FAM83B: variants seen among roughly 807,000 people sequenced by gnomAD.
FAM83B encodes scaffolding CK1 anchoring protein B.
A neutral mutation model predicts 38.8 loss-of-function variants in FAM83B; 26 were observed. That is an observed-to-expected ratio of 0.67 (90% CI 0.49 to 0.93). The LOEUF (loss-of-function observed/expected upper bound fraction) is 0.93. FAM83B is among the 40% of genes least tolerant of loss of function. The pLI, the probability that FAM83B is intolerant of heterozygous loss-of-function variation, is 0.00. For synonymous variants in FAM83B, 419 were observed against 423.1 expected, an observed-to-expected ratio of 0.99 and a Z score of 0.12; for missense variants, 1,237 against 1,197.3, an observed-to-expected ratio of 1.03 and a Z score of -0.49.
At chr6:54,875,104 C>G (rs1402923382) in intron 2 of FAM83B, among the ~76,000 whole-genome samples, 1 of 152,112 alleles carries the variant, frequency 6.6e-6, no homozygotes, top group Non-Finnish European at 1.5e-5. Flanking sequence ...TGTACCTCCT[C>G]AAGTTTCTTC....
In FAM83B at chr6:54,942,104, A is replaced by G; in HGVS notation, c.*97A>G. The G allele has an allele frequency of 1.6e-6, 2 of 1,227,806 alleles. No individual in the cohort carries two copies. Among genetic ancestry groups the G allele is most frequent in the South Asian group, 3.2e-5 (2 of 63,332 alleles). 76.1% of individuals were successfully genotyped at this position (1,227,806 alleles called of 1,614,324 possible). A position where few individuals can be genotyped will look rare whatever the true frequency, so the allele number is the denominator to read the frequency against. On this transcript the variant is annotated 3_prime_UTR_variant, in exon 5 of 5. Coordinates refer to ENST00000306858, the MANE Select transcript of FAM83B (RefSeq NM_001010872.3). ...GCCAATAGATTTTCCTAAGGACAGA[A>G]TTATGGGTATGATGTATATGTTCAC...
chr6:54,918,022 A>G (rs978781836), intron 2 of FAM83B, among the ~76,000 whole-genome samples: 1 of 152,168 alleles, frequency 6.6e-6, no homozygotes, highest in African/African-American at 2.4e-5. Flanking sequence ...AGATACTCAT[A>G]TTATTCCTTC....
chr6:54,852,600 C>T (rs1265504911), intron 1 of FAM83B, among the ~76,000 whole-genome samples: 1 of 152,166 alleles, frequency 6.6e-6, no homozygotes, highest in African/African-American at 2.4e-5. Context: ...AGTTGCATGC[C>T]CTCATTTTAA....
chr6:54,906,636 G>A (rs975764101), intron 2 of FAM83B, among the ~76,000 whole-genome samples: 11 of 151,898 alleles, frequency 7.2e-5, no homozygotes, highest in African/African-American at 1.5e-4. Context: ...TCCCTGCCTC[G>A]GCCTCCCAAA....
intron 2 of FAM83B, among the ~76,000 whole-genome samples, chr6:54,875,858 G>C (rs1771980077): frequency 6.6e-6 from 1 of 152,138 alleles, no homozygotes; most frequent in Non-Finnish European, 1.5e-5. Context: ...TGCTGTGTCT[G>C]TATGGCAGTA....
chr6:54,929,758 G>A (rs556744644), intron 4 of FAM83B, among the ~76,000 whole-genome samples: 18 of 151,880 alleles, frequency 1.2e-4, no homozygotes, highest in Non-Finnish European at 2.1e-4. Context: ...CCAGGAACTC[G>A]GAATTTTTAA....
At position 54,862,868 on chromosome 6, in the gene FAM83B, AAC is replaced by A. The variant is rs777710656; in HGVS notation, c.-60-7318_-60-7317del. The stretch of plus-strand genomic sequence containing the variant: ...CATTGCACTCCAGGCTGGGTGCAAA[AAC>A]CCCCCCCCAAAAAAACCACGAAAAA... On this transcript the variant is annotated intron_variant, in intron 1 of 4. Coordinates refer to ENST00000306858, the MANE Select transcript of FAM83B (RefSeq NM_001010872.3). Among the ~76,000 whole-genome samples, 41 of 149,362 alleles carry A rather than the reference AAC, an allele frequency of 2.7e-4. 1 individual carries two copies. The highest frequency in any genetic ancestry group is 9.2e-4 in the African/African-American group (38 of 41,102).
intron 2 of FAM83B, among the ~76,000 whole-genome samples, chr6:54,883,233 A>G (rs538056146): frequency 1.5e-4 from 22 of 148,888 alleles, no homozygotes; most frequent in Admixed American, 6.7e-4. Context: ...GTGAGCCACC[A>G]TGCCTAGCCA....
intron 2 of FAM83B, among the ~76,000 whole-genome samples, chr6:54,890,115 G>C (rs894333373): frequency 4.6e-5 from 7 of 152,102 alleles, no homozygotes; most frequent in Admixed American, 4.6e-4. Flanking sequence ...GAAAATAATT[G>C]TATTGTAGAA....
intron 2 of FAM83B, among the ~76,000 whole-genome samples, chr6:54,883,924 CT>C (rs1025593869): frequency 6.6e-5 from 10 of 151,852 alleles, no homozygotes; most frequent in African/African-American, 2.2e-4. Context: ...AATCCCAGGA[CT>C]TTGGGAGGCC....
intron 1 of FAM83B, among the ~76,000 whole-genome samples, chr6:54,864,066 C>T (rs1410808283): frequency 2.0e-5 from 3 of 152,056 alleles, no homozygotes; most frequent in African/African-American, 7.2e-5. Flanking sequence ...TTTATTTTTT[C>T]TTAATGAATT....
chr6:54,901,804 G>A (rs1477461135), intron 2 of FAM83B, among the ~76,000 whole-genome samples: 2 of 152,088 alleles, frequency 1.3e-5, no homozygotes, highest in African/African-American at 4.8e-5. Flanking sequence ...AACTCTGACA[G>A]GTTGATGTTA....
intron 2 of FAM83B, among the ~76,000 whole-genome samples, chr6:54,884,962 C>T (rs1464312065): frequency 5.9e-5 from 9 of 151,744 alleles, no homozygotes; most frequent in African/African-American, 2.2e-4. Context: ...TTAGTAGAGA[C>T]GGGGTTTCAC....
At chr6:54,866,620 A>G (rs1222644121) in intron 1 of FAM83B, among the ~76,000 whole-genome samples, 1 of 152,058 alleles carries the variant, frequency 6.6e-6, no homozygotes, top group Non-Finnish European at 1.5e-5. Flanking sequence ...TAGGCCATTT[A>G]TTTTACTGCC....
At chr6:54,893,386 G>C (rs1772448589) in intron 2 of FAM83B, among the ~76,000 whole-genome samples, 1 of 151,932 alleles carries the variant, frequency 6.6e-6, no homozygotes, top group Admixed American at 6.6e-5. Flanking sequence ...TTATAATTTT[G>C]TGTATTAGGG....
chr6:54,940,898 G>A lies in FAM83B; in HGVS notation c.1927G>A (p.Gly643Ser), dbSNP rs200286212. ...ESNNYIYKTL[G>S]VNKQTENLKN... ...AAATAACTATATATATAAAACCTTG[G>A]GTGTAAATAAGCAGACAGAAAATCT... The change falls in exon 5 of 5, where the codon GGT becomes AGT. Residue 643 changes from glycine (G) to serine (S), a missense_variant. Physicochemically the swap from Gly to Ser is moderately conservative, Grantham distance 56. Transcript: ENST00000306858. 3 of 1,613,326 alleles carry A rather than the reference G, an allele frequency of 1.9e-6. No individual in the cohort carries two copies. Among genetic ancestry groups the A allele is most frequent in the African/African-American group, 1.3e-5 (1 of 74,798 alleles).
At chr6:54,906,080 A>G (rs1053243122) in intron 2 of FAM83B, among the ~76,000 whole-genome samples, 1 of 151,838 alleles carries the variant, frequency 6.6e-6, no homozygotes, top group Non-Finnish European at 1.5e-5. Context: ...TATTAAAATA[A>G]CCAGTGACAT....
At chr6:54,870,772 A>G (rs993196334) in intron 2 of FAM83B, 82 bp downstream of exon 2, 4 of 1,288,408 alleles carry the variant, frequency 3.1e-6, no homozygotes, top group African/African-American at 1.5e-5. Flanking sequence ...ATGTATGTTA[A>G]TAAAAGAATC....
At chr6:54,927,437 T>C (rs1371032885) in intron 3 of FAM83B, 71 bp from the exon 4 acceptor site, 7 of 1,268,532 alleles carry the variant, frequency 5.5e-6, no homozygotes, top group African/African-American at 1.5e-5. Flanking sequence ...TCTATCATGA[T>C]ATGGATTTTG....
Sources: allele counts gnomAD v4.1 joint callset (sites outside exome capture counted in the v4.1 genomes callset), GRCh38; gene constraint gnomAD v4.1.1; transcripts MANE v1.5; gene names NCBI Gene and HGNC (gene_info 2026-07-23, HGNC 2026-07-21).